The following KSR2 variants were observed in gnomAD, a reference collection of about 807,000 sequenced individuals.
KSR2 encodes the protein kinase suppressor of ras 2.
A neutral mutation model predicts 107.8 loss-of-function variants in KSR2; 25 were observed. That is an observed-to-expected ratio of 0.23 (90% CI 0.17 to 0.32). The LOEUF (loss-of-function observed/expected upper bound fraction) is 0.32. KSR2 is among the 10% of genes least tolerant of loss of function. The pLI is 1.00. For synonymous variants in KSR2, 480 were observed against 507.0 expected, an observed-to-expected ratio of 0.95 and a Z score of 0.71; for missense variants, 887 against 1,268.9, an observed-to-expected ratio of 0.70 and a Z score of 4.57.
chr12:117,524,715 C>A (rs1187170383), intron 14 of KSR2, 137 bp downstream of exon 14: 2 of 1,079,650 alleles, frequency 1.9e-6, no homozygotes, highest in South Asian at 1.8e-5. Flanking sequence ...AATCTTAAAC[C>A]ATGTAAGTAA....
intron 4 of KSR2, among the ~76,000 whole-genome samples, chr12:117,669,459 G>A (rs1295490109): frequency 1.3e-5 from 2 of 152,010 alleles, no homozygotes; most frequent in Non-Finnish European, 2.9e-5. Context: ...CTTGAATTGT[G>A]GTGAGGCTTG....
intron 3 of KSR2, among the ~76,000 whole-genome samples, chr12:117,816,444 G>A (rs1275389799): frequency 2.6e-5 from 4 of 152,136 alleles, no homozygotes. Context: ...AGATTCCACA[G>A]CATAAGAAAA....
intron 3 of KSR2, among the ~76,000 whole-genome samples, chr12:117,813,055 G>C (rs752337190): frequency 6.6e-6 from 1 of 151,586 alleles, no homozygotes; most frequent in Non-Finnish European, 1.5e-5. Context: ...TTTGACAAAG[G>C]TGTCAAAAAA....
intron 1 of KSR2, among the ~76,000 whole-genome samples, chr12:117,914,886 C>T (rs372950431): frequency 1.6e-4 from 25 of 152,146 alleles, no homozygotes; most frequent in Admixed American, 2.6e-4. Context: ...AGGCTGAATA[C>T]GGTGTGAGCT....
chr12:117,893,716 G>C (rs115006733), intron 1 of KSR2, among the ~76,000 whole-genome samples: 1,728 of 152,330 alleles, frequency 0.011, 30 homozygotes, highest in African/African-American at 0.04. Flanking sequence ...ACAAGTAGGT[G>C]CTTGCTTTTC....
At chr12:117,835,550 C>T (rs1593285018) in intron 3 of KSR2, among the ~76,000 whole-genome samples, 1 of 152,136 alleles carries the variant, frequency 6.6e-6, no homozygotes, top group African/African-American at 2.4e-5. Context: ...CATTATCCTC[C>T]TCCTTAGAAC....
At chr12:117,861,242 G>C (rs965349465) in intron 1 of KSR2, among the ~76,000 whole-genome samples, 3 of 152,100 alleles carry the variant, frequency 2.0e-5, no homozygotes, top group Non-Finnish European at 4.4e-5. Flanking sequence ...CACGAAGCAG[G>C]CTCTGTACTG....
chr12:117,945,437 G>T (rs1896151198), intron 1 of KSR2, among the ~76,000 whole-genome samples: 2 of 152,194 alleles, frequency 1.3e-5, no homozygotes, highest in Admixed American at 1.3e-4. Context: ...CACTTTGGGA[G>T]GCCAAGGCAG....
intron 3 of KSR2, among the ~76,000 whole-genome samples, chr12:117,785,697 A>G (rs976877193): frequency 1.3e-5 from 2 of 152,168 alleles, no homozygotes; most frequent in Non-Finnish European, 2.9e-5. Flanking sequence ...CAAAACGGAG[A>G]TGACAAAGGA....
intron 1 of KSR2, among the ~76,000 whole-genome samples, chr12:117,864,662 G>A (rs187759115): frequency 6.6e-5 from 10 of 152,310 alleles, no homozygotes; most frequent in African/African-American, 2.4e-4. Context: ...AAGGCACTGC[G>A]GAAGGCCCTG....
chr12:117,621,402 G>T (rs1200587125), intron 5 of KSR2, among the ~76,000 whole-genome samples: 1 of 152,170 alleles, frequency 6.6e-6, no homozygotes, highest in East Asian at 1.9e-4. Context: ...AAAAGCACAG[G>T]ATCTGGAATG....
rs568665593 is a variant in KSR2, at chr12:117,890,361, G to C, written c.181-29930C>G. Among the ~76,000 whole-genome samples, 4 of 152,256 alleles carry C rather than the reference G, an allele frequency of 2.6e-5. No individual in the cohort carries two copies. The East Asian group carries it at 7.7e-4, about 29-fold the overall frequency. On this transcript the variant is annotated intron_variant, in intron 1 of 19. Transcript: ENST00000339824. ...GGGTGTCCACAGGCTTTAGAGCCCA[G>C]CCACATGTCCACAGAGCACCAGATA...
In KSR2 at chr12:117,471,213, A is replaced by G. The variant is rs902622737; in HGVS notation, c.2690T>C (p.Ile897Thr). ...GTGMKPNLSQ[I>T]GMGKEISDIL... ...TACCGAGATTTCTTTTCCCATGCCAATCTGGCTGAGGTTGGGTTTCATGCC... is the reference window on the plus strand; with the variant it reads ...TACCGAGATTTCTTTTCCCATGCCAGTCTGGCTGAGGTTGGGTTTCATGCC... The change falls in exon 18 of 20, where the codon ATT becomes ACT. Residue 897 changes from isoleucine (I) to threonine (T), a missense_variant. By Grantham distance (89) the Ile-to-Thr change is moderately conservative (BLOSUM62 -1). This residue lies in a region of KSR2 where 308 missense variants were observed against 506.2 expected (regional missense o/e 0.61). Transcript: ENST00000339824. 21 of 1,613,754 alleles carry G rather than the reference A, an allele frequency of 1.3e-5. No individual in the cohort carries two copies. Among genetic ancestry groups the G allele is most frequent in the African/African-American group, 5.3e-5 (4 of 74,892 alleles).
intron 3 of KSR2, among the ~76,000 whole-genome samples, chr12:117,850,742 G>C (rs923031120): frequency 2.6e-5 from 4 of 151,596 alleles, no homozygotes; most frequent in Non-Finnish European, 5.9e-5. Flanking sequence ...CCAGGAGGTA[G>C]AGGCTGCAGT....
chr12:117,944,659 C>A (rs1244467038), intron 1 of KSR2, among the ~76,000 whole-genome samples: 1 of 152,124 alleles, frequency 6.6e-6, no homozygotes, highest in East Asian at 1.9e-4. Flanking sequence ...AGATCGAGAC[C>A]AGCCTGGGCA....
intron 5 of KSR2, among the ~76,000 whole-genome samples, chr12:117,666,890 A>G (rs1254424865): frequency 6.6e-6 from 1 of 152,156 alleles, no homozygotes; most frequent in Non-Finnish European, 1.5e-5. Flanking sequence ...TCCATCACCA[A>G]AAAGTTCCAT....
intron 3 of KSR2, among the ~76,000 whole-genome samples, chr12:117,822,768 AGCCCG>A (rs1051391848): frequency 6.6e-6 from 1 of 152,170 alleles, no homozygotes; most frequent in Admixed American, 6.5e-5. Context: ...GCATATTGCT[AGCCCG>A]GGAAAAGATC....
chr12:117,838,529 G>A lies in KSR2; in HGVS notation c.472+16899C>T, dbSNP rs376963512. 1.1e-4 allele frequency among the ~76,000 whole-genome samples: 17 copies of A among 152,316 alleles called. No homozygotes were observed. In the East Asian group the frequency reaches 2.3e-3, roughly 21 times the overall value. ...GTGGGTTTGAGCACAAGCTCTACCA[G>A]GTACTAGCTGTGTGACCCTAGGCAT... On this transcript the variant is annotated intron_variant, in intron 3 of 19. Transcript: ENST00000339824.
At position 117,754,409 on chromosome 12, in the gene KSR2, G is replaced by A. The variant is rs143465618; in HGVS notation, c.986+6602C>T. Reference sequence around the variant, plus strand: ...TCCCAGCACTTTGGGAGGCTGAGGCGGGAAGATCACCTGAGGTCGGGAGTT... The same window carrying A: ...TCCCAGCACTTTGGGAGGCTGAGGCAGGAAGATCACCTGAGGTCGGGAGTT... On this transcript the variant is annotated intron_variant, in intron 4 of 19. Transcript: ENST00000339824. Among the ~76,000 whole-genome samples, 1,097 of 151,904 alleles carry A rather than the reference G, an allele frequency of 7.2e-3. 9 individuals carry two copies. The highest frequency in any genetic ancestry group is 0.023 in the African/African-American group (963 of 41,422).
Sources: gnomAD v4.1 joint callset for allele counts (sites outside exome capture counted in the v4.1 genomes callset) on GRCh38, gnomAD v4.1.1 for gene constraint, gnomAD v4.1.1 regional missense constraint, MANE v1.5 for transcripts, NCBI Gene and HGNC (gene_info 2026-07-23, HGNC 2026-07-21) for gene names.